The following EPB41L3 variants were observed in gnomAD, a reference collection of about 807,000 sequenced individuals.
The protein encoded by EPB41L3 is erythrocyte membrane protein band 4.1 like 3, also known as band 4.1-like protein 3.
A neutral mutation model predicts 127.1 loss-of-function variants in EPB41L3; 57 were observed. That is an observed-to-expected ratio of 0.45 (90% CI 0.36 to 0.56). The LOEUF is 0.56. EPB41L3 is among the 20% of genes least tolerant of loss of function. EPB41L3 has a pLI of 0.00. For missense variants in EPB41L3, 1,273 were observed against 1,372.2 expected (o/e 0.93, Z 1.14); for synonymous variants, 572 against 549.5 (o/e 1.04, Z -0.57).
At chr18:5,433,360 C>G (rs915209152) in intron 8 of EPB41L3, 109 bp downstream of exon 8, 22 of 734,146 alleles carry the variant, frequency 3.0e-5, no homozygotes, top group Admixed American at 1.1e-4. Context: ...TTTGAATTCT[C>G]AGAGGTTTCA....
intron 13 of EPB41L3, among the ~76,000 whole-genome samples, chr18:5,411,284 C>G (rs1021645036): frequency 1.3e-5 from 2 of 152,108 alleles, no homozygotes; most frequent in African/African-American, 4.8e-5. Flanking sequence ...GTTTATTTTG[C>G]CCCACCCTCC....
chr18:5,563,920 C>T (rs575075631), intron 3 of EPB41L3, among the ~76,000 whole-genome samples: 2 of 152,186 alleles, frequency 1.3e-5, no homozygotes, highest in African/African-American at 4.8e-5. Flanking sequence ...AGACTCATCC[C>T]AAAGCAGTAT....
At chr18:5,519,314 AACCCATCGCGACTAT>A (rs1468907196) in intron 1 of EPB41L3, among the ~76,000 whole-genome samples, 1 of 152,202 alleles carries the variant, frequency 6.6e-6, no homozygotes, top group Non-Finnish European at 1.5e-5. Context: ...GAGTATGGGA[AACCCATCGCGACTAT>A]ACTCCTTGTC....
chr18:5,499,434 A>C (rs1207853205), intron 1 of EPB41L3, among the ~76,000 whole-genome samples: 2 of 151,664 alleles, frequency 1.3e-5, no homozygotes, highest in Admixed American at 1.3e-4. Flanking sequence ...ACTCACTGTA[A>C]GTCAAATATT....
intron 3 of EPB41L3, among the ~76,000 whole-genome samples, chr18:5,467,858 C>T (rs76543539): frequency 0.08 from 12,119 of 152,226 alleles, 650 homozygotes; most frequent in East Asian, 0.24. Flanking sequence ...CAAGACTGCA[C>T]GCTCCACAGA....
At chr18:5,465,972 CA>C (rs11448406) in intron 3 of EPB41L3, among the ~76,000 whole-genome samples, 308 of 140,314 alleles carry the variant, frequency 2.2e-3, no homozygotes, top group African/African-American at 2.8e-3. Context: ...CCACCACCAA[CA>C]AAAAAAAAAA....
intron 8 of EPB41L3, chr18:5,429,205 T>A (rs979138129): frequency 1.3e-5 from 2 of 152,186 alleles, no homozygotes; most frequent in African/African-American, 2.4e-5. Context: ...AAATACTTTT[T>A]AAATATGTGT....
chr18:5,455,517 T>C (rs2082905464), intron 3 of EPB41L3, among the ~76,000 whole-genome samples: 1 of 152,188 alleles, frequency 6.6e-6, no homozygotes. Context: ...GCAGTAGAGT[T>C]GACCTATGTT....
At chr18:5,424,455 T>G (rs1055847224) in intron 9 of EPB41L3, 96 bp from the exon 10 acceptor site, 7 of 959,854 alleles carry the variant, frequency 7.3e-6, no homozygotes, top group Non-Finnish European at 1.1e-5. Context: ...CACCAGAATT[T>G]TAAAAATTTA....
rs1219798308 is a variant in EPB41L3, at chr18:5,511,367, TTTAA to T, written c.-11-22177_-11-22174del. On this transcript the variant is annotated intron_variant, in intron 1 of 22. Transcript: ENST00000341928. The stretch of plus-strand genomic sequence containing the variant: ...TAAAGGTCCCAAGTCTCACCCTTTC[TTTAA>T]TAGCTGTGGAGGTATTTTGGTTTTT... Among the ~76,000 whole-genome samples the T allele has an allele frequency of 1.4e-4, 21 of 150,688 alleles. No individual in the cohort carries two copies. In the East Asian group the frequency reaches 4.2e-3, roughly 30 times the overall value.
Position 5,406,767 on chromosome 18 carries a change from G to T in EPB41L3, c.2349+10C>A, listed in dbSNP as rs755563287. ...AGAATACGAGTCTGACCACAAACCT[G>T]ACTACTGACCTCTTCAGGGACAAGT... On this transcript the variant is annotated intron_variant, in intron 16 of 22. Transcript: ENST00000341928. 1.6e-5 allele frequency: 26 copies of T among 1,609,242 alleles called. No homozygotes were observed. The highest frequency in any genetic ancestry group is 2.2e-5 in the Non-Finnish European group (26 of 1,176,664).
At chr18:5,495,737 C>T (rs760169635) in intron 1 of EPB41L3, among the ~76,000 whole-genome samples, 16 of 152,276 alleles carry the variant, frequency 1.1e-4, no homozygotes, top group Non-Finnish European at 2.1e-4. Context: ...GGCACTGTGA[C>T]GGGGCAGGAA....
chr18:5,492,871 T>G (rs529586664), intron 1 of EPB41L3, among the ~76,000 whole-genome samples: 1 of 152,242 alleles, frequency 6.6e-6, no homozygotes, highest in East Asian at 1.9e-4. Context: ...TAAATCATAT[T>G]TCAATATCCC....
In EPB41L3 at chr18:5,394,686, A is replaced by G. The variant is rs140830660; in HGVS notation, c.3261T>C (p.Asp1087=). 1.8e-5 allele frequency: 29 copies of G among 1,613,548 alleles called. No individual in the cohort carries two copies. Among genetic ancestry groups the G allele is most frequent in the Non-Finnish European group, 2.1e-5 (25 of 1,179,622 alleles). Residue 1087 remains aspartate (D), a synonymous_variant, in exon 22 of 23, where the codon GAT becomes GAC. Coordinates refer to ENST00000341928, the MANE Select transcript of EPB41L3 (RefSeq NM_012307.5). ...CGGCATCACCTCTTACCTCTGGTCA[A>G]TCCTCTCCATCTTCTGGTGTGATCT... is the stretch of plus-strand genomic sequence containing the variant. The part of the protein sequence containing the change: ...ETEITPEDGE[D]
At chr18:5,610,208 C>T (rs1199215652) in intron 3 of EPB41L3, 1 of 985,228 alleles carries the variant, frequency 1.0e-6, no homozygotes, top group Non-Finnish European at 1.2e-6. Flanking sequence ...GGTCCATATT[C>T]CATGTTCCAA....
chr18:5,468,587 G>A (rs975184687), intron 3 of EPB41L3, among the ~76,000 whole-genome samples: 13 of 152,160 alleles, frequency 8.5e-5, no homozygotes, highest in Admixed American at 7.9e-4. Flanking sequence ...CAGGATGACC[G>A]GCCTGCAGAC....
intron 1 of EPB41L3, among the ~76,000 whole-genome samples, chr18:5,511,967 C>T (rs1412803159): frequency 2.0e-5 from 3 of 152,226 alleles, no homozygotes; most frequent in African/African-American, 4.8e-5. Context: ...ACTTCAAAAT[C>T]GCTTTCAATA....
intron 1 of EPB41L3, among the ~76,000 whole-genome samples, chr18:5,510,103 T>C (rs182736468): frequency 5.3e-5 from 8 of 152,300 alleles, no homozygotes; most frequent in Non-Finnish European, 1.0e-4. Flanking sequence ...GTTAATGGGA[T>C]ATGACTTTGT....
chr18:5,475,409 G>A (rs1340138098), intron 3 of EPB41L3, among the ~76,000 whole-genome samples: 2 of 152,174 alleles, frequency 1.3e-5, no homozygotes, highest in East Asian at 3.9e-4. Flanking sequence ...CCCCAGTCCG[G>A]TGGCTTCAGA....
Sources: allele counts gnomAD v4.1 joint callset (sites outside exome capture counted in the v4.1 genomes callset), GRCh38; gene constraint gnomAD v4.1.1; transcripts MANE v1.5; gene names NCBI Gene and HGNC (gene_info 2026-07-23, HGNC 2026-07-21).